The following LARS1 variants were observed in gnomAD, a reference collection of about 807,000 sequenced individuals.
LARS1 encodes the protein leucyl-tRNA synthetase 1, also known as leucine--tRNA ligase, cytoplasmic.
A neutral mutation model predicts 162.8 loss-of-function variants in LARS1; 100 were observed. The ratio of observed to expected loss-of-function variants is 0.61; its 90% CI spans 0.52 to 0.73. LARS1 has a LOEUF of 0.73. LARS1 is among the 30% of genes least tolerant of loss of function. The pLI is 0.00. For synonymous variants in LARS1, 457 were observed against 462.8 expected (o/e 0.99, Z 0.16); for missense variants, 1,258 against 1,408.9 (o/e 0.89, Z 1.71).
chr5:146,121,104 A>C (rs1216635755), intron 30 of LARS1, among the ~76,000 whole-genome samples: 3 of 152,168 alleles, frequency 2.0e-5, no homozygotes, highest in Non-Finnish European at 4.4e-5. Context: ...TGTATAAGGA[A>C]TATTTTCATA....
rs996217658 is a variant in LARS1 at position 146,113,585 on chromosome 5, A to G, written c.*521T>C. 6.5e-6 allele frequency: 1 copy of G among 152,902 alleles called. No individual in the cohort carries two copies. Among genetic ancestry groups the G allele is most frequent in the East Asian group, 1.9e-4 (1 of 5,202 alleles). The allele number at this position is 152,902 out of a possible 1,614,324, so 9.5% of individuals were successfully genotyped here. The stretch of plus-strand genomic sequence containing the variant: ...AAAATGCAGGACCTATTTGTTCTTT[A>G]TACAAAATACTTAGTAATTGAAGTC... On this transcript the variant is annotated 3_prime_UTR_variant, in exon 32 of 32. Coordinates refer to ENST00000394434, the MANE Select transcript of LARS1 (RefSeq NM_020117.11).
Position 146,123,965 on chromosome 5 carries a change from A to T in LARS1, c.3096+17T>A. The T allele has an allele frequency of 7.3e-7, 1 of 1,374,498 alleles. No individual in the cohort carries two copies. 85.1% of individuals were successfully genotyped at this position (1,374,498 alleles called of 1,614,324 possible). On this transcript the variant is annotated intron_variant, in intron 29 of 31. Transcript: ENST00000394434. ...TAACTACAGTTAACTGGTTATTACA[A>T]TCCCTGGCCCTCTTACCTCAAGCGA...
chr5:146,130,743 G>T, intron 24 of LARS1: 1 of 276,340 alleles, frequency 3.6e-6, no homozygotes, highest in East Asian at 6.3e-5. Context: ...ATGTTTTCCT[G>T]GAAAGTATAG....
intron 21 of LARS1, among the ~76,000 whole-genome samples, chr5:146,136,884 A>T (rs1752523322): frequency 6.6e-6 from 1 of 152,178 alleles, no homozygotes; most frequent in South Asian, 2.1e-4. Flanking sequence ...ATTTGTTTAA[A>T]GCTACAACTA....
intron 2 of LARS1, among the ~76,000 whole-genome samples, chr5:146,176,577 C>T (rs35421100): frequency 0.22 from 33,887 of 151,954 alleles, 4,837 homozygotes; most frequent in Admixed American, 0.34. Flanking sequence ...ATTGTTGTTA[C>T]TATAACCGTA....
chr5:146,180,544 T>C (rs1225111424), intron 1 of LARS1, among the ~76,000 whole-genome samples: 1 of 152,032 alleles, frequency 6.6e-6, no homozygotes, highest in African/African-American at 2.4e-5. Context: ...AATATGATCA[T>C]GTCACCCATT....
At chr5:146,129,932 T>C (rs1581016931) in intron 25 of LARS1, 86 bp downstream of exon 25, 1 of 1,361,234 alleles carries the variant, frequency 7.3e-7, no homozygotes, top group Non-Finnish European at 1.0e-6. Flanking sequence ...TCAGACTTTC[T>C]CTCTTAAGTA....
chr5:146,143,673 T>C (rs1003397166), intron 18 of LARS1, 123 bp from the exon 19 acceptor site: 5 of 853,074 alleles, frequency 5.9e-6, no homozygotes, highest in African/African-American at 1.7e-5. Flanking sequence ...TAAATTATTC[T>C]TGAATAATTA....
intron 21 of LARS1, among the ~76,000 whole-genome samples, chr5:146,136,233 A>G (rs1432074766): frequency 2.0e-5 from 3 of 152,248 alleles, no homozygotes; most frequent in East Asian, 3.8e-4. Flanking sequence ...AATGATGATT[A>G]TATCAGTTTT....
chr5:146,123,868 C>A, intron 29 of LARS1, 114 bp downstream of exon 29: 1 of 508,774 alleles, frequency 2.0e-6, no homozygotes, highest in Admixed American at 3.6e-5. Flanking sequence ...ATATATTTAA[C>A]AAAGATACTA....
At chr5:146,157,690 G>GT in intron 9 of LARS1, 38 bp downstream of exon 9, 9 of 1,611,538 alleles carry the variant, frequency 5.6e-6, no homozygotes, top group Non-Finnish European at 7.6e-6. Flanking sequence ...CTATCTGATG[G>GT]TTCAGAAATG....
intron 2 of LARS1, among the ~76,000 whole-genome samples, chr5:146,174,256 C>A (rs1754408003): frequency 6.7e-6 from 1 of 148,422 alleles, no homozygotes; most frequent in Non-Finnish European, 1.5e-5. Context: ...TCAAGACTAG[C>A]CTAACGTGGA....
intron 19 of LARS1, 59 bp from the exon 20 acceptor site, chr5:146,143,143 A>G: frequency 1.0e-6 from 1 of 971,204 alleles, no homozygotes; most frequent in Non-Finnish European, 1.4e-6. Flanking sequence ...TCTTTGGAAG[A>G]ATCAGTACCT....
chr5:146,130,150 T>C lies in LARS1; in HGVS notation c.2496A>G (p.Lys832=). The C allele has an allele frequency of 6.2e-7, 1 of 1,611,408 alleles. No homozygotes were observed. Among genetic ancestry groups the C allele is most frequent in the Non-Finnish European group, 8.5e-7 (1 of 1,179,340 alleles). ...CCACAGCCAATTCACGGTACTTATC[T>C]TTTGCGGCCTATAAAATTTGAAATT... ...KTGFFEFQAA[K]DKYRELAVEG... is the part of the protein sequence containing the mutation. Residue 832 remains lysine (K), a synonymous_variant, in exon 25 of 32, where the codon AAA becomes AAG. Transcript: ENST00000394434.
At position 146,182,101 on chromosome 5, in the gene LARS1, C is replaced by T. The variant is rs183132726; in HGVS notation, c.6+387G>A. On this transcript the variant is annotated intron_variant, in intron 1 of 31. Transcript: ENST00000394434. ...GTTAACAGGCGCGCACCACTACGCC[C>T]GGCTAATTTATGTATTTTTGGTAGA... 324 of 196,352 alleles carry T rather than the reference C, an allele frequency of 1.7e-3. 1 individual carries two copies. Among genetic ancestry groups the T allele is most frequent in the Middle Eastern group, 4.7e-3 (2 of 426 alleles). 12.2% of individuals were successfully genotyped at this position (196,352 alleles called of 1,614,324 possible). A position where few individuals can be genotyped will look rare whatever the true frequency, so the allele number is the denominator to read the frequency against.
Position 146,113,963 on chromosome 5 carries a change from T to C in LARS1, c.*143A>G. On this transcript the variant is annotated 3_prime_UTR_variant, in exon 32 of 32. Coordinates refer to ENST00000394434, the MANE Select transcript of LARS1 (RefSeq NM_020117.11). Reference sequence around the variant, plus strand: ...AGGAATCAAAGATGACTTGATAGAATTATGAATACATGCAGAATTGGATGG... The same window carrying C: ...AGGAATCAAAGATGACTTGATAGAACTATGAATACATGCAGAATTGGATGG... The C allele has an allele frequency of 1.5e-6, 1 of 674,928 alleles. No homozygotes were observed. Among genetic ancestry groups the C allele is most frequent in the African/African-American group, 1.8e-5 (1 of 55,754 alleles). 41.8% of individuals were successfully genotyped at this position (674,928 alleles called of 1,614,324 possible). A position where few individuals can be genotyped will look rare whatever the true frequency, so the allele number is the denominator to read the frequency against.
chr5:146,175,114 G>A (rs533984027), intron 2 of LARS1, among the ~76,000 whole-genome samples: 8 of 152,182 alleles, frequency 5.3e-5, no homozygotes, highest in African/African-American at 1.7e-4. Flanking sequence ...ACCTACTCAG[G>A]AGGCTGAGGT....
intron 14 of LARS1, 59 bp from the exon 15 acceptor site, chr5:146,149,758 T>C (rs1753190473): frequency 1.6e-6 from 2 of 1,259,134 alleles, no homozygotes; most frequent in African/African-American, 3.0e-5. Flanking sequence ...TGCCTTGAGT[T>C]TCTTTCCTAA....
chr5:146,134,712 G>T lies in LARS1; in HGVS notation c.2212+889C>A, dbSNP rs375171727. ...GCCTATAATCCCAGCACTTTGGAAG[G>T]CCAAGGAGGGTGGATCACTTGAGGC... On this transcript the variant is annotated intron_variant, in intron 22 of 31. Transcript: ENST00000394434. Among the ~76,000 whole-genome samples, 8 of 152,348 alleles carry T rather than the reference G, an allele frequency of 5.3e-5. No homozygotes were observed. The East Asian group carries it at 1.2e-3, about 22-fold the overall frequency.
Sources: allele counts gnomAD v4.1 joint callset (sites outside exome capture counted in the v4.1 genomes callset), GRCh38; gene constraint gnomAD v4.1.1; transcripts MANE v1.5; gene names NCBI Gene and HGNC (gene_info 2026-07-23, HGNC 2026-07-21).